The following ABLIM1 variants were observed in gnomAD, a reference collection of about 807,000 sequenced individuals.
The protein encoded by ABLIM1 is actin-binding LIM protein 1.
ABLIM1 carries 40 observed loss-of-function variants against 107.0 expected under a neutral mutation model. The ratio of observed to expected loss-of-function variants is 0.37; its 90% CI spans 0.29 to 0.49. The LOEUF is 0.49. Ranked by LOEUF, ABLIM1 falls within the 20% of genes least tolerant of loss-of-function variation. The pLI, the probability that ABLIM1 is intolerant of heterozygous loss-of-function variation, is 0.97. For missense variants in ABLIM1, 857 were observed against 1,008.5 expected, an observed-to-expected ratio of 0.85 and a Z score of 2.04; for synonymous variants, 357 against 357.3, an observed-to-expected ratio of 1.00 and a Z score of 0.01.
intron 4 of ABLIM1, among the ~76,000 whole-genome samples, chr10:114,565,887 T>TTAAAAAA (rs2070659916): frequency 6.7e-6 from 1 of 148,584 alleles, no homozygotes; most frequent in African/African-American, 2.5e-5. Context: ...CTCCGCCTCC[T>TTAAAAAA]GGGTTCACAC....
At chr10:114,548,185 G>T (rs953851801) in intron 4 of ABLIM1, among the ~76,000 whole-genome samples, 1 of 152,112 alleles carries the variant, frequency 6.6e-6, no homozygotes, top group South Asian at 2.1e-4. Flanking sequence ...CTGATGCCTC[G>T]CCTAACACTA....
chr10:114,704,296 CTCTCTCTATATA>C (rs1336133791), intron 1 of ABLIM1, among the ~76,000 whole-genome samples: 53 of 28,874 alleles, frequency 1.8e-3, no homozygotes, highest in African/African-American at 5.3e-3. Context: ...CTCTCTCTCT[CTCTCTCTATATA>C]TATATATATA....
chr10:114,609,210 T>C (rs1160660835), intron 1 of ABLIM1, among the ~76,000 whole-genome samples: 1 of 152,188 alleles, frequency 6.6e-6, no homozygotes, highest in Non-Finnish European at 1.5e-5. Flanking sequence ...AGCACTAAAA[T>C]ACTCTACTAT....
chr10:114,438,895 T>C (rs1015605450), intron 21 of ABLIM1, among the ~76,000 whole-genome samples: 2 of 152,230 alleles, frequency 1.3e-5, no homozygotes, highest in African/African-American at 4.8e-5. Flanking sequence ...CAGCACCGGA[T>C]ATGCTCTGTA....
At chr10:114,622,853 T>A (rs959763463) in intron 1 of ABLIM1, among the ~76,000 whole-genome samples, 1 of 152,286 alleles carries the variant, frequency 6.6e-6, no homozygotes, top group African/African-American at 2.4e-5. Context: ...TATTGTACAG[T>A]GGTAGTAAAT....
In ABLIM1 at chr10:114,592,708, T is replaced by G. The variant is rs190270890; in HGVS notation, c.379+9119A>C. Among the ~76,000 whole-genome samples the G allele has an allele frequency of 1.3e-3, 204 of 152,286 alleles. 1 individual carries two copies. Among genetic ancestry groups the G allele is most frequent in the African/African-American group, 4.5e-3 (188 of 41,566 alleles). On this transcript the variant is annotated intron_variant, in intron 2 of 22. Transcript: ENST00000533213. ...GATAATGATAAATGGTCAGATTTTG[T>G]ACATACTATGAAGATGGGGCCATCA...
intron 1 of ABLIM1, among the ~76,000 whole-genome samples, chr10:114,765,182 G>A (rs371873551): frequency 6.6e-6 from 1 of 152,088 alleles, no homozygotes; most frequent in East Asian, 1.9e-4. Context: ...GAGTAGCTGG[G>A]ACTACAGGCA....
At chr10:114,578,781 TTTTC>T (rs1405202787) in intron 2 of ABLIM1, among the ~76,000 whole-genome samples, 2 of 93,158 alleles carry the variant, frequency 2.1e-5, no homozygotes, top group South Asian at 4.2e-4. Context: ...TCTTTCTTTC[TTTTC>T]TTTTTTTTTT....
At chr10:114,565,945 C>T (rs1465349844) in intron 4 of ABLIM1, among the ~76,000 whole-genome samples, 7 of 151,872 alleles carry the variant, frequency 4.6e-5, no homozygotes, top group African/African-American at 1.7e-4. Flanking sequence ...TAGGCGCCCG[C>T]CACCATGCCT....
chr10:114,486,614 T>C (rs768410492), intron 8 of ABLIM1, among the ~76,000 whole-genome samples: 1 of 152,202 alleles, frequency 6.6e-6, no homozygotes, highest in Non-Finnish European at 1.5e-5. Flanking sequence ...TTCAGGACTC[T>C]GTGTGTCAAA....
intron 1 of ABLIM1, among the ~76,000 whole-genome samples, chr10:114,657,604 A>C (rs2079584240): frequency 4.6e-5 from 7 of 152,178 alleles, no homozygotes; most frequent in Admixed American, 4.6e-4. Flanking sequence ...CCCCCCTTGA[A>C]TATTTCCTTT....
At chr10:114,788,589 G>C in the ABLIM1 span, among the ~76,000 whole-genome samples, 2 of 152,006 alleles carry the variant, frequency 1.3e-5, no homozygotes, top group African/African-American at 2.4e-5. Flanking sequence ...TTAGCTGGGC[G>C]TGGTGGCGTG....
intron 2 of ABLIM1, among the ~76,000 whole-genome samples, chr10:114,582,116 C>T (rs1188790052): frequency 6.6e-6 from 1 of 152,032 alleles, no homozygotes; most frequent in African/African-American, 2.4e-5. Flanking sequence ...CCTGGAAAAC[C>T]CTAAAGACTC....
chr10:114,552,459 G>A (rs974699034), intron 4 of ABLIM1, among the ~76,000 whole-genome samples: 21 of 148,494 alleles, frequency 1.4e-4, no homozygotes, highest in Admixed American at 1.3e-3. Context: ...ACTTGCCAGT[G>A]TCCTACCCAG....
chr10:114,519,482 C>A (rs1288392032), intron 6 of ABLIM1, among the ~76,000 whole-genome samples: 3 of 152,142 alleles, frequency 2.0e-5, no homozygotes, highest in Non-Finnish European at 4.4e-5. Context: ...CCCAATTATC[C>A]CTCGGCTGGG....
intron 1 of ABLIM1, among the ~76,000 whole-genome samples, chr10:114,606,135 G>A (rs539547983): frequency 6.6e-6 from 1 of 152,300 alleles, no homozygotes; most frequent in Non-Finnish European, 1.5e-5. Flanking sequence ...TGTGGAACTA[G>A]ACTGCCAGAA....
chr10:114,557,049 G>A (rs1284433388), intron 4 of ABLIM1, among the ~76,000 whole-genome samples: 2 of 152,236 alleles, frequency 1.3e-5, no homozygotes, highest in Non-Finnish European at 2.9e-5. Context: ...CACATACTGG[G>A]TGGGGAAGTC....
At chr10:114,731,892 G>A (rs1339049204) in intron 1 of ABLIM1, among the ~76,000 whole-genome samples, 1 of 152,330 alleles carries the variant, frequency 6.6e-6, no homozygotes, top group East Asian at 1.9e-4. Flanking sequence ...TTACAGGCGT[G>A]AGCCACCACG....
chr10:114,632,160 GC>G (rs943737422), intron 1 of ABLIM1: 2 of 985,234 alleles, frequency 2.0e-6, no homozygotes, highest in African/African-American at 3.5e-5. Flanking sequence ...CTGCAGCCGC[GC>G]CCAGCTCGGG....
Sources: allele counts gnomAD v4.1 joint callset (sites outside exome capture counted in the v4.1 genomes callset), GRCh38; gene constraint gnomAD v4.1.1; transcripts MANE v1.5; gene names NCBI Gene and HGNC (gene_info 2026-07-23, HGNC 2026-07-21).